Variants in ADIPOR2 observed in about 807,000 individuals in gnomAD.
The protein encoded by ADIPOR2 is adiponectin receptor protein 2.
Under a neutral mutation model 40.9 loss-of-function variants are expected in ADIPOR2, and 18 were observed. The observed-to-expected ratio is 0.44, with a 90% CI of 0.30 to 0.65. The LOEUF is 0.65. Ranked by LOEUF, ADIPOR2 falls within the 30% of genes least tolerant of loss-of-function variation. The pLI is 0.09. For missense variants in ADIPOR2, 283 were observed against 479.2 expected (o/e 0.59, Z 3.82); for synonymous variants, 165 against 166.4 (o/e 0.99, Z 0.06).
chr12:1,726,564 A>G (rs1009943197), intron 1 of ADIPOR2, among the ~76,000 whole-genome samples: 2 of 152,160 alleles, frequency 1.3e-5, no homozygotes, highest in African/African-American at 4.8e-5. Context: ...ACGGTATTTG[A>G]GAGTCAAGAG....
rs1199007658 is a variant in ADIPOR2, at chr12:1,788,397, GCAGT to G, written c.*2329_*2332del. On this transcript the variant is annotated 3_prime_UTR_variant, in exon 8 of 8. Coordinates refer to ENST00000357103, the MANE Select transcript of ADIPOR2 (RefSeq NM_024551.3). The stretch of plus-strand genomic sequence containing the variant: ...TTGGCGCCTGAATGCCTTACTCTCA[GCAGT>G]CAGAGGCTTGCTTGCTCTGTGCAGA... 2 of 152,636 alleles carry G rather than the reference GCAGT, an allele frequency of 1.3e-5. No homozygotes were observed. Among genetic ancestry groups the G allele is most frequent in the Non-Finnish European group, 2.9e-5 (2 of 68,052 alleles). 9.5% of individuals were successfully genotyped at this position (152,636 alleles called of 1,614,324 possible). A position where few individuals can be genotyped will look rare whatever the true frequency, so the allele number is the denominator to read the frequency against.
chr12:1,786,182 C>G lies in ADIPOR2; in HGVS notation c.*110C>G. ...CAGAGGAGCCCCAAAACTTTGACAG[C>G]CTCGTGGGCTTTGTGACGGCCCAGT... On this transcript the variant is annotated 3_prime_UTR_variant, in exon 8 of 8. Transcript: ENST00000357103. 6.9e-7 allele frequency: 1 copy of G among 1,443,678 alleles called. No homozygotes were observed. The highest frequency in any genetic ancestry group is 1.4e-5 in the South Asian group (1 of 73,104). 89.4% of individuals were successfully genotyped at this position (1,443,678 alleles called of 1,614,324 possible). A position where few individuals can be genotyped will look rare whatever the true frequency, so the allele number is the denominator to read the frequency against.
intron 2 of ADIPOR2, among the ~76,000 whole-genome samples, chr12:1,771,197 G>C (rs1862487009): frequency 6.6e-6 from 1 of 152,120 alleles, no homozygotes; most frequent in Non-Finnish European, 1.5e-5. Flanking sequence ...GTGCATACCT[G>C]TAGTGCACGC....
intron 2 of ADIPOR2, among the ~76,000 whole-genome samples, chr12:1,761,805 G>A (rs911355426): frequency 3.3e-5 from 5 of 152,132 alleles, no homozygotes; most frequent in African/African-American, 1.2e-4. Flanking sequence ...CACCTGACAG[G>A]ACTTCTGTTT....
At chr12:1,728,410 C>T (rs2094712357) in intron 1 of ADIPOR2, among the ~76,000 whole-genome samples, 1 of 151,822 alleles carries the variant, frequency 6.6e-6, no homozygotes, top group Non-Finnish European at 1.5e-5. Context: ...CACCTGGCCT[C>T]ATGCAGAGCT....
chr12:1,725,316 C>CTATATGTTCA (rs57224264), intron 1 of ADIPOR2, among the ~76,000 whole-genome samples: 22,918 of 151,856 alleles, frequency 0.15, 1,881 homozygotes, highest in African/African-American at 0.21. Flanking sequence ...CGGGGTTTCA[C>CTATATGTTCA]TATATGTTGG....
At chr12:1,692,023 A>C (rs2154440993) in intron 1 of ADIPOR2, among the ~76,000 whole-genome samples, 1 of 150,548 alleles carries the variant, frequency 6.6e-6, no homozygotes, top group African/African-American at 2.4e-5. Flanking sequence ...ATGTTCTTTT[A>C]ATTTTTTGAC....
intron 2 of ADIPOR2, among the ~76,000 whole-genome samples, chr12:1,767,897 C>CT (rs990384883): frequency 6.6e-6 from 1 of 152,128 alleles, no homozygotes; most frequent in African/African-American, 2.4e-5. Context: ...GATTAAGGAT[C>CT]TAATTGAGCA....
chr12:1,707,582 A>C (rs910943173), intron 1 of ADIPOR2, among the ~76,000 whole-genome samples: 1 of 152,216 alleles, frequency 6.6e-6, no homozygotes, highest in East Asian at 1.9e-4. Context: ...TTTCCACCCC[A>C]GCCTTCCAAG....
In ADIPOR2 at chr12:1,781,199, A is replaced by C. The variant is rs1862711803; in HGVS notation, c.838+123A>C. ...GTATTTGTGATGCCAAGATGAAGAAATCATAGTTCCTATTGTTGGGGGTTT... is the reference window on the plus strand; with the variant it reads ...GTATTTGTGATGCCAAGATGAAGAACTCATAGTTCCTATTGTTGGGGGTTT... On this transcript the variant is annotated intron_variant, in intron 6 of 7. Coordinates refer to ENST00000357103, the MANE Select transcript of ADIPOR2 (RefSeq NM_024551.3). The C allele has an allele frequency of 7.4e-6, 8 of 1,074,642 alleles. No individual in the cohort carries two copies. The Middle Eastern group carries it at 8.1e-4, about 108-fold the overall frequency. The allele number at this position is 1,074,642 out of a possible 1,614,324, so 66.6% of individuals were successfully genotyped here.
Position 1,695,505 on chromosome 12 carries a change from A to T in ADIPOR2, c.-87+4314A>T, listed in dbSNP as rs1166671488. On this transcript the variant is annotated intron_variant, in intron 1 of 7. Transcript: ENST00000357103. ...CCCCCTCTCTACCAAAAATATATTA[A>T]AAAAAAAATTATCTGGGTATGGTGG... 4.0e-5 allele frequency among the ~76,000 whole-genome samples: 6 copies of T among 151,310 alleles called. No homozygotes were observed. In the East Asian group the frequency reaches 7.8e-4, roughly 20 times the overall value.
intron 2 of ADIPOR2, among the ~76,000 whole-genome samples, chr12:1,762,567 T>C (rs550428468): frequency 5.9e-5 from 9 of 152,340 alleles, no homozygotes; most frequent in Non-Finnish European, 1.0e-4. Flanking sequence ...CGTGGGGACG[T>C]ATACTATTTA....
intron 1 of ADIPOR2, among the ~76,000 whole-genome samples, chr12:1,742,287 C>G (rs570555475): frequency 6.6e-6 from 1 of 152,170 alleles, no homozygotes; most frequent in East Asian, 1.9e-4. Flanking sequence ...GAGACGGAGT[C>G]TTGCCGTGTT....
chr12:1,785,116 T>C (rs1226324498), intron 7 of ADIPOR2, among the ~76,000 whole-genome samples: 1 of 152,250 alleles, frequency 6.6e-6, no homozygotes, highest in Non-Finnish European at 1.5e-5. Context: ...TGATTTCTTC[T>C]AGTTTTTGCT....
chr12:1,785,222 G>T (rs528575656), intron 7 of ADIPOR2, among the ~76,000 whole-genome samples: 4 of 152,288 alleles, frequency 2.6e-5, no homozygotes, highest in African/African-American at 9.6e-5. Flanking sequence ...TTTTTGAAGT[G>T]CAGCGAGCAA....
intron 1 of ADIPOR2, among the ~76,000 whole-genome samples, chr12:1,727,373 C>T (rs1042873481): frequency 6.6e-6 from 1 of 152,278 alleles, no homozygotes; most frequent in Non-Finnish European, 1.5e-5. Context: ...TGAGAACATA[C>T]TTTTTAAAGA....
At chr12:1,742,169 T>C (rs905041581) in intron 1 of ADIPOR2, among the ~76,000 whole-genome samples, 15 of 152,214 alleles carry the variant, frequency 9.9e-5, no homozygotes, top group Non-Finnish European at 1.8e-4. Flanking sequence ...CACAGCTGCT[T>C]GCAGCTTTGA....
chr12:1,740,460 C>G (rs550521166), intron 1 of ADIPOR2, among the ~76,000 whole-genome samples: 1 of 152,112 alleles, frequency 6.6e-6, no homozygotes, highest in Non-Finnish European at 1.5e-5. Context: ...TCCCTGGTGT[C>G]TCTTCTTACA....
intron 6 of ADIPOR2, among the ~76,000 whole-genome samples, chr12:1,782,894 T>G (rs1241218002): frequency 6.6e-6 from 1 of 152,134 alleles, no homozygotes; most frequent in Non-Finnish European, 1.5e-5. Flanking sequence ...TTTAACAATT[T>G]TTAAGTGCCC....
Sources: allele counts gnomAD v4.1 joint callset (sites outside exome capture counted in the v4.1 genomes callset), GRCh38; gene constraint gnomAD v4.1.1; transcripts MANE v1.5; gene names NCBI Gene and HGNC (gene_info 2026-07-23, HGNC 2026-07-21).